The following COL10A1 variants were observed in gnomAD, a reference collection of about 807,000 sequenced individuals.
COL10A1 encodes collagen type X alpha 1 chain, also known as collagen alpha-1(X) chain.
In COL10A1, 10 loss-of-function variants were observed where a neutral mutation model predicts 18.2. The observed-to-expected ratio is 0.55, with a 90% confidence interval of 0.34 to 0.93. COL10A1 has a LOEUF of 0.93. Among genes scored for constraint, COL10A1 ranks in the 40% least tolerant of loss-of-function variants. The pLI, the probability that COL10A1 is intolerant of heterozygous loss-of-function variation, is 0.02. For missense variants in COL10A1, 897 were observed against 853.5 expected (o/e 1.05, Z -0.64); for synonymous variants, 330 against 316.6 (o/e 1.04, Z -0.45).
chr6:116,190,029 G>T, the COL10A1 span, among the ~76,000 whole-genome samples: 1 of 152,042 alleles, frequency 6.6e-6, no homozygotes, highest in East Asian at 1.9e-4. Context: ...TTTAATGTGG[G>T]CAGATTATTT....
the COL10A1 span, among the ~76,000 whole-genome samples, chr6:116,167,961 T>C: frequency 1.3e-5 from 2 of 152,186 alleles, no homozygotes; most frequent in Non-Finnish European, 2.9e-5. Context: ...TAGTTTCTAT[T>C]GTTTATGTTG....
chr6:116,150,367 C>G (rs976306778), intron 1 of COL10A1, among the ~76,000 whole-genome samples: 1 of 152,110 alleles, frequency 6.6e-6, no homozygotes, highest in African/African-American at 2.4e-5. Flanking sequence ...TCACTGCAAC[C>G]TCCACCTCCC....
upstream of COL10A1, among the ~76,000 whole-genome samples, chr6:116,127,180 G>T (rs1271891173): frequency 6.6e-6 from 1 of 152,146 alleles, no homozygotes; most frequent in African/African-American, 2.4e-5. Context: ...AAGTAGTATG[G>T]ATTCAGGACT....
the COL10A1 span, among the ~76,000 whole-genome samples, chr6:116,167,122 G>A: frequency 6.7e-6 from 1 of 149,426 alleles, no homozygotes; most frequent in South Asian, 2.1e-4. Flanking sequence ...CTGATGATTT[G>A]TATATGTTCA....
the COL10A1 span, among the ~76,000 whole-genome samples, chr6:116,167,886 C>G: frequency 6.6e-6 from 1 of 152,090 alleles, no homozygotes; most frequent in Non-Finnish European, 1.5e-5. Context: ...TTTTATTTCA[C>G]TTTCATTCTT....
chr6:116,215,765 T>C, the COL10A1 span, among the ~76,000 whole-genome samples: 4 of 152,136 alleles, frequency 2.6e-5, no homozygotes, highest in African/African-American at 4.8e-5. Context: ...CTAGGCCAAG[T>C]GCAGACAATA....
the COL10A1 span, among the ~76,000 whole-genome samples, chr6:116,192,175 G>T: frequency 6.6e-6 from 1 of 152,024 alleles, no homozygotes; most frequent in African/African-American, 2.4e-5. Context: ...AGAGTTAACT[G>T]TGTGATTTTG....
chr6:116,126,836 A>C (rs1480828106), upstream of COL10A1, among the ~76,000 whole-genome samples: 1 of 152,072 alleles, frequency 6.6e-6, no homozygotes, highest in African/African-American at 2.4e-5. Flanking sequence ...AAATTTTCAA[A>C]CTTTGCTTTC....
the COL10A1 span, among the ~76,000 whole-genome samples, chr6:116,213,212 G>A: frequency 6.6e-6 from 1 of 152,216 alleles, no homozygotes; most frequent in Middle Eastern, 3.4e-3. Context: ...GCAGTCAGAT[G>A]TCAGTGGGGA....
chr6:116,180,432 A>G, the COL10A1 span, among the ~76,000 whole-genome samples: 1 of 152,078 alleles, frequency 6.6e-6, no homozygotes, highest in Admixed American at 6.6e-5. Flanking sequence ...TATAATCCCT[A>G]ATGAAATAAT....
At chr6:116,163,649 T>C (rs1339944388), upstream of COL10A1, among the ~76,000 whole-genome samples, 1 of 152,168 alleles carries the variant, frequency 6.6e-6, no homozygotes, top group African/African-American at 2.4e-5. Context: ...ATTTCTTTAC[T>C]TCTGCTAGTT....
the COL10A1 span, among the ~76,000 whole-genome samples, chr6:116,183,100 A>C: frequency 2.2e-4 from 34 of 152,238 alleles, no homozygotes; most frequent in African/African-American, 8.2e-4. Flanking sequence ...GTGGCTTGTC[A>C]GTTGTCCCTG....
chr6:116,160,684 A>G (rs904070379), upstream of COL10A1, among the ~76,000 whole-genome samples: 1 of 152,168 alleles, frequency 6.6e-6, no homozygotes, highest in Admixed American at 6.5e-5. Flanking sequence ...TTCGTCATAA[A>G]TTCTTTGCCT....
upstream of COL10A1, chr6:116,126,270 C>G (rs545780592): frequency 6.6e-6 from 1 of 152,230 alleles, no homozygotes; most frequent in African/African-American, 2.4e-5. Context: ...CACACAAGAT[C>G]GGGCTGGGCT....
Position 116,121,558 on chromosome 6 carries a change from T to C in COL10A1, c.558A>G (p.Gly186=). 1 of 1,613,938 alleles carries C rather than the reference T, an allele frequency of 6.2e-7. No homozygotes were observed. The highest frequency in any genetic ancestry group is 8.5e-7 in the Non-Finnish European group (1 of 1,179,954). The change falls in exon 3 of 3, where the codon GGA becomes GGG. Residue 186 remains glycine, a synonymous_variant. Coordinates refer to ENST00000651968, the MANE Select transcript of COL10A1 (RefSeq NM_000493.4). ...KGAPGVPGMN[G]QKGEMGYGAP... is the part of the protein sequence containing the mutation. ...CACCATATCCCATTTCCCCTTTCTG[T>C]CCATTCATACCAGGGACTCCTGGTG...
chr6:116,193,692 T>C, the COL10A1 span, among the ~76,000 whole-genome samples: 3 of 152,078 alleles, frequency 2.0e-5, no homozygotes, highest in African/African-American at 7.2e-5. Context: ...AAGCGTGCTT[T>C]AATTTTAACT....
chr6:116,210,678 A>G, the COL10A1 span, among the ~76,000 whole-genome samples: 1 of 152,052 alleles, frequency 6.6e-6, no homozygotes, highest in Non-Finnish European at 1.5e-5. Flanking sequence ...GTCAGTTATT[A>G]TGAGGATAAT....
chr6:116,173,563 C>T, the COL10A1 span, among the ~76,000 whole-genome samples: 1 of 152,094 alleles, frequency 6.6e-6, no homozygotes, highest in East Asian at 1.9e-4. Flanking sequence ...TGAGCGAGGG[C>T]GAGTGTGCTC....
chr6:116,131,914 G>C (rs1407127018), intron 1 of COL10A1, among the ~76,000 whole-genome samples: 1 of 152,166 alleles, frequency 6.6e-6, no homozygotes, highest in African/African-American at 2.4e-5. Context: ...TTATAAGTGA[G>C]AACATGCAGT....
Sources: allele counts gnomAD v4.1 joint callset (sites outside exome capture counted in the v4.1 genomes callset), GRCh38; gene constraint gnomAD v4.1.1; transcripts MANE v1.5; gene names NCBI Gene and HGNC (gene_info 2026-07-23, HGNC 2026-07-21).